The following GPD2 variants were observed in gnomAD, a reference collection of about 807,000 sequenced individuals.
GPD2 encodes the protein glycerol-3-phosphate dehydrogenase 2.
Under a neutral mutation model 82.4 loss-of-function variants are expected in GPD2, and 54 were observed. The ratio of observed to expected loss-of-function variants is 0.66; its 90% CI spans 0.53 to 0.82. GPD2 has a LOEUF of 0.82. GPD2 is among the 40% of genes least tolerant of loss of function. GPD2 has a pLI of 0.00. For synonymous variants in GPD2, 288 were observed against 306.1 expected, an observed-to-expected ratio of 0.94 and a Z score of 0.62; for missense variants, 748 against 896.2, an observed-to-expected ratio of 0.83 and a Z score of 2.11.
chr2:156,445,300 T>A (rs1008831948), intron 1 of GPD2, among the ~76,000 whole-genome samples: 6 of 152,138 alleles, frequency 3.9e-5, no homozygotes, highest in African/African-American at 2.4e-5. Context: ...TGGCAGAAAC[T>A]CCCTTAAAAA....
chr2:156,405,449 G>A, the GPD2 span, among the ~76,000 whole-genome samples: 1 of 152,302 alleles, frequency 6.6e-6, no homozygotes, highest in East Asian at 1.9e-4. Context: ...AAAGAGTGCT[G>A]AGGACGCAGC....
At position 156,449,395 on chromosome 2, in the gene GPD2, C is replaced by A. The variant is rs76514708; in HGVS notation, c.-9+12882C>A. Among the ~76,000 whole-genome samples, 1,084 of 152,102 alleles carry A rather than the reference C, an allele frequency of 7.1e-3. 12 individuals carry two copies. The highest frequency in any genetic ancestry group is 0.025 in the African/African-American group (1,041 of 41,480). ...TCTTTCTTAATTTCTTCTCACTGTA[C>A]CTTTCCAAGAAGAAAAATTAAATTA... is the stretch of plus-strand genomic sequence containing the variant. On this transcript the variant is annotated intron_variant, in intron 1 of 16. Coordinates refer to ENST00000438166, the MANE Select transcript of GPD2 (RefSeq NM_000408.5).
intron 1 of GPD2, among the ~76,000 whole-genome samples, chr2:156,454,200 G>A (rs1682713569): frequency 1.3e-5 from 2 of 152,104 alleles, no homozygotes; most frequent in Non-Finnish European, 2.9e-5. Context: ...TGCTGATGTC[G>A]GTGTTCCATC....
intron 2 of GPD2, among the ~76,000 whole-genome samples, chr2:156,481,655 T>C (rs1158743328): frequency 6.6e-6 from 1 of 152,016 alleles, no homozygotes; most frequent in East Asian, 1.9e-4. Context: ...TTTCTTTTTT[T>C]TTTTTTTAAA....
At chr2:156,440,698 G>C (rs976651755) in intron 1 of GPD2, among the ~76,000 whole-genome samples, 3 of 152,106 alleles carry the variant, frequency 2.0e-5, no homozygotes, top group Admixed American at 1.3e-4. Context: ...GATTTATTTA[G>C]GTCAAGCTTC....
At chr2:156,451,640 G>A (rs1682590877) in intron 1 of GPD2, among the ~76,000 whole-genome samples, 1 of 143,578 alleles carries the variant, frequency 7.0e-6, no homozygotes, top group African/African-American at 2.6e-5. Flanking sequence ...CAGTAGGGGC[G>A]GCTGGGCAGA....
chr2:156,506,138 G>A (rs1216109270), intron 3 of GPD2, among the ~76,000 whole-genome samples: 1 of 152,130 alleles, frequency 6.6e-6, no homozygotes, highest in East Asian at 1.9e-4. Flanking sequence ...AAAACATTTA[G>A]CATATAATAG....
intron 9 of GPD2, among the ~76,000 whole-genome samples, chr2:156,561,695 G>C (rs1687183066): frequency 6.6e-6 from 1 of 152,112 alleles, no homozygotes; most frequent in Non-Finnish European, 1.5e-5. Flanking sequence ...GTTTTGAAGT[G>C]TTTTACATTC....
At position 156,483,734 on chromosome 2, in the gene GPD2, A is replaced by C. The variant is rs935210641; in HGVS notation, c.102+7527A>C. ...CTTGTGGCATCTGCAGGAAAAAAAG[A>C]AAATAAAGAAACAATTTAAATTACA... is the stretch of plus-strand genomic sequence containing the variant. On this transcript the variant is annotated intron_variant, in intron 2 of 16. Transcript: ENST00000438166. 2.6e-5 allele frequency among the ~76,000 whole-genome samples: 4 copies of C among 152,232 alleles called. No individual in the cohort carries two copies. The South Asian group carries it at 8.3e-4, about 32-fold the overall frequency.
chr2:156,424,548 AG>A, the GPD2 span, among the ~76,000 whole-genome samples: 1 of 152,234 alleles, frequency 6.6e-6, no homozygotes, highest in Admixed American at 6.5e-5. Context: ...TCAAGGATAA[AG>A]GGTCAGAGAG....
the GPD2 span, among the ~76,000 whole-genome samples, chr2:156,418,420 A>C: frequency 6.6e-6 from 1 of 152,044 alleles, no homozygotes; most frequent in Non-Finnish European, 1.5e-5. Context: ...GAGAAAAAGA[A>C]AAATGTTACA....
chr2:156,563,498 T>C (rs1260250096), intron 9 of GPD2, among the ~76,000 whole-genome samples: 2 of 152,188 alleles, frequency 1.3e-5, no homozygotes, highest in African/African-American at 2.4e-5. Flanking sequence ...GTAACCTGTA[T>C]GGTAAAACTG....
chr2:156,498,503 G>A (rs1017377124), intron 3 of GPD2, among the ~76,000 whole-genome samples: 6 of 152,188 alleles, frequency 3.9e-5, no homozygotes, highest in African/African-American at 9.7e-5. Flanking sequence ...GAGGAACAGC[G>A]TGGAATCAGT....
chr2:156,500,057 C>T (rs1317044811), intron 3 of GPD2, among the ~76,000 whole-genome samples: 1 of 152,006 alleles, frequency 6.6e-6, no homozygotes, highest in East Asian at 1.9e-4. Context: ...ATAAGGATGA[C>T]AATTTTGAAT....
intron 3 of GPD2, among the ~76,000 whole-genome samples, chr2:156,510,046 G>C (rs141651762): frequency 0.054 from 8,178 of 152,166 alleles, 304 homozygotes; most frequent in Non-Finnish European, 0.082. Flanking sequence ...GCCTCTCAAA[G>C]TGCTGGGATT....
At chr2:156,521,403 A>G (rs1223845881) in intron 6 of GPD2, among the ~76,000 whole-genome samples, 1 of 152,230 alleles carries the variant, frequency 6.6e-6, no homozygotes, top group Non-Finnish European at 1.5e-5. Flanking sequence ...TTACACATCT[A>G]TAAATTTAGG....
chr2:156,444,012 C>A (rs1485299480), intron 1 of GPD2, among the ~76,000 whole-genome samples: 1 of 152,220 alleles, frequency 6.6e-6, no homozygotes, highest in East Asian at 1.9e-4. Flanking sequence ...ACATTATAGC[C>A]ACTCAAGTGT....
At chr2:156,484,516 G>A (rs1278699809) in intron 2 of GPD2, among the ~76,000 whole-genome samples, 2 of 152,098 alleles carry the variant, frequency 1.3e-5, no homozygotes, top group Admixed American at 6.6e-5. Flanking sequence ...TGTACCTGTT[G>A]ATGGCAGAAT....
intron 1 of GPD2, among the ~76,000 whole-genome samples, chr2:156,450,518 C>T (rs1424557439): frequency 2.6e-5 from 4 of 152,122 alleles, no homozygotes; most frequent in East Asian, 3.9e-4. Flanking sequence ...AAAAAAGAGA[C>T]GGTTCTACTA....
Sources: gnomAD v4.1 joint callset for allele counts (sites outside exome capture counted in the v4.1 genomes callset) on GRCh38, gnomAD v4.1.1 for gene constraint, MANE v1.5 for transcripts, NCBI Gene and HGNC (gene_info 2026-07-23, HGNC 2026-07-21) for gene names.